Variants in ASIC2 observed in about 807,000 individuals in gnomAD.
ASIC2 encodes acid sensing ion channel subunit 2, also known as acid-sensing ion channel 2.
In ASIC2, 25 loss-of-function variants were observed where a neutral mutation model predicts 57.3. The ratio of observed to expected loss-of-function variants is 0.44; its 90% CI spans 0.32 to 0.61. The LOEUF (loss-of-function observed/expected upper bound fraction) is 0.61, where lower values mean the gene tolerates loss of function less well. ASIC2 is among the 20% of genes least tolerant of loss of function. The pLI, the probability that ASIC2 is intolerant of heterozygous loss-of-function variation, is 0.06. For synonymous variants in ASIC2, 319 were observed against 307.5 expected, an observed-to-expected ratio of 1.04 and a Z score of -0.39; for missense variants, 641 against 738.1, an observed-to-expected ratio of 0.87 and a Z score of 1.52.
intron 1 of ASIC2, among the ~76,000 whole-genome samples, chr17:33,814,391 G>A (rs1439062022): frequency 6.6e-6 from 1 of 152,192 alleles, no homozygotes; most frequent in African/African-American, 2.4e-5. Flanking sequence ...GAGAGGCAGA[G>A]GTCTGACACT....
intron 1 of ASIC2, among the ~76,000 whole-genome samples, chr17:34,045,691 A>C (rs1266225948): frequency 1.3e-5 from 2 of 152,226 alleles, no homozygotes; most frequent in African/African-American, 2.4e-5. Flanking sequence ...AGGGTCATAA[A>C]GTAACACATC....
intron 1 of ASIC2, among the ~76,000 whole-genome samples, chr17:33,382,503 G>A (rs936861901): frequency 1.1e-4 from 17 of 152,120 alleles, no homozygotes; most frequent in Non-Finnish European, 2.4e-4. Context: ...CACAAGTGAT[G>A]GATCCATGAA....
At chr17:33,194,868 C>T (rs1239132660) in intron 1 of ASIC2, among the ~76,000 whole-genome samples, 3 of 152,198 alleles carry the variant, frequency 2.0e-5, no homozygotes, top group Non-Finnish European at 2.9e-5. Context: ...GTTTCCCTCA[C>T]CAGCACAGTG....
intron 1 of ASIC2, among the ~76,000 whole-genome samples, chr17:33,610,901 A>C (rs183799583): frequency 6.6e-6 from 1 of 152,200 alleles, no homozygotes; most frequent in Admixed American, 6.5e-5. Context: ...TCTCACAAAC[A>C]ACAACAAAGA....
intron 1 of ASIC2, among the ~76,000 whole-genome samples, chr17:33,348,804 T>A (rs1471567609): frequency 3.3e-5 from 5 of 151,780 alleles, no homozygotes; most frequent in African/African-American, 1.2e-4. Flanking sequence ...GTCAAAGGGG[T>A]GGGGTTTAGG....
chr17:33,634,544 C>G (rs1906285639), intron 1 of ASIC2, among the ~76,000 whole-genome samples: 1 of 132,112 alleles, frequency 7.6e-6, no homozygotes, highest in Admixed American at 8.4e-5. Context: ...GAGACAGAGT[C>G]TCACTCTGTC....
At chr17:34,036,224 G>T (rs1907870323) in intron 1 of ASIC2, among the ~76,000 whole-genome samples, 1 of 151,958 alleles carries the variant, frequency 6.6e-6, no homozygotes, top group Non-Finnish European at 1.5e-5. Flanking sequence ...CCTTTGTAGG[G>T]ACATCAATGA....
intron 1 of ASIC2, among the ~76,000 whole-genome samples, chr17:33,927,975 C>T (rs537301136): frequency 9.9e-5 from 15 of 152,276 alleles, no homozygotes; most frequent in Admixed American, 5.9e-4. Context: ...AATATTTGTC[C>T]GCTAATTTTG....
chr17:34,038,541 G>T, intron 1 of ASIC2: 1 of 1,610,398 alleles, frequency 6.2e-7, no homozygotes, highest in South Asian at 1.1e-5. Context: ...CTACCCAAAA[G>T]ATGTAACAAC....
At chr17:33,038,153 A>G (rs895688876) in intron 3 of ASIC2, among the ~76,000 whole-genome samples, 4 of 152,188 alleles carry the variant, frequency 2.6e-5, no homozygotes, top group African/African-American at 4.8e-5. Context: ...TAGTTTCCTT[A>G]TCTGATTAAA....
chr17:33,854,345 T>C (rs925099815), intron 1 of ASIC2, among the ~76,000 whole-genome samples: 1 of 152,160 alleles, frequency 6.6e-6, no homozygotes, highest in Non-Finnish European at 1.5e-5. Context: ...AAGGTAAACA[T>C]GTGTGGCATT....
intron 1 of ASIC2, among the ~76,000 whole-genome samples, chr17:33,648,011 T>G (rs1449769402): frequency 1.3e-5 from 2 of 152,210 alleles, no homozygotes; most frequent in African/African-American, 4.8e-5. Flanking sequence ...TGGCTTCATC[T>G]CTGGGCTTGG....
chr17:33,446,278 CTT>C (rs1465560798), intron 1 of ASIC2, among the ~76,000 whole-genome samples: 1 of 152,078 alleles, frequency 6.6e-6, no homozygotes, highest in Non-Finnish European at 1.5e-5. Context: ...TTTCTTTTCT[CTT>C]TAAGAATCTG....
At chr17:33,389,287 C>G (rs988136997) in intron 1 of ASIC2, among the ~76,000 whole-genome samples, 1 of 152,290 alleles carries the variant, frequency 6.6e-6, no homozygotes, top group East Asian at 1.9e-4. Context: ...TGCACGCAAA[C>G]AGATGGCACA....
intron 1 of ASIC2, among the ~76,000 whole-genome samples, chr17:33,663,593 T>G (rs766176834): frequency 1.3e-5 from 2 of 152,202 alleles, no homozygotes; most frequent in African/African-American, 4.8e-5. Flanking sequence ...ATTTTGAAAG[T>G]CTTCCCTGTG....
chr17:34,096,594 G>A (rs1381286250), intron 1 of ASIC2, among the ~76,000 whole-genome samples: 1 of 152,032 alleles, frequency 6.6e-6, no homozygotes, highest in South Asian at 2.1e-4. Context: ...GGGCATGGTG[G>A]CTGTAATGCC....
At chr17:33,471,171 C>T (rs746335866) in intron 1 of ASIC2, among the ~76,000 whole-genome samples, 1 of 152,078 alleles carries the variant, frequency 6.6e-6, no homozygotes, top group Non-Finnish European at 1.5e-5. Context: ...TGTTTTTGGT[C>T]AGCTTTATTT....
At chr17:33,796,976 C>A (rs1196822603) in intron 1 of ASIC2, among the ~76,000 whole-genome samples, 1 of 152,110 alleles carries the variant, frequency 6.6e-6, no homozygotes, top group East Asian at 1.9e-4. Flanking sequence ...ATGCAAGAAC[C>A]ATGCAGTAGG....
chr17:33,303,085 A>C (rs956119349), intron 1 of ASIC2, among the ~76,000 whole-genome samples: 1 of 152,202 alleles, frequency 6.6e-6, no homozygotes, highest in African/African-American at 2.4e-5. Context: ...AGAGAGGTAA[A>C]GTTAACTGCC....
Sources: gnomAD v4.1 joint callset for allele counts (sites outside exome capture counted in the v4.1 genomes callset) on GRCh38, gnomAD v4.1.1 for gene constraint, MANE v1.5 for transcripts, NCBI Gene and HGNC (gene_info 2026-07-23, HGNC 2026-07-21) for gene names.